PAPPA2: variants seen among roughly 807,000 people sequenced by gnomAD.
PAPPA2 encodes the protein pappalysin-2.
A neutral mutation model predicts 176.4 loss-of-function variants in PAPPA2; 86 were observed. The ratio of observed to expected loss-of-function variants is 0.49; its 90% CI spans 0.41 to 0.58. PAPPA2 has a LOEUF of 0.58. PAPPA2 is among the 20% of genes least tolerant of loss of function. PAPPA2 has a pLI of 0.00. For synonymous variants in PAPPA2, 809 were observed against 852.2 expected (o/e 0.95, Z 0.88); for missense variants, 2,073 against 2,256.9 (o/e 0.92, Z 1.65).
At chr1:176,756,111 A>G (rs1663406508) in intron 14 of PAPPA2, among the ~76,000 whole-genome samples, 1 of 152,138 alleles carries the variant, frequency 6.6e-6, no homozygotes, top group Non-Finnish European at 1.5e-5. Flanking sequence ...GGCATGTGCC[A>G]TCACGCCCAG....
chr1:176,575,565 G>A (rs574324192), intron 2 of PAPPA2, among the ~76,000 whole-genome samples: 72 of 152,260 alleles, frequency 4.7e-4, no homozygotes, highest in African/African-American at 1.6e-3. Flanking sequence ...ATTCACTCAT[G>A]AATTTGTATA....
chr1:176,741,358 C>T (rs564286396), intron 14 of PAPPA2, among the ~76,000 whole-genome samples: 1 of 152,278 alleles, frequency 6.6e-6, no homozygotes, highest in East Asian at 1.9e-4. Context: ...TGGCAGTGAG[C>T]ATGCTCACAT....
At chr1:176,563,981 C>CT (rs949566333) in intron 2 of PAPPA2, among the ~76,000 whole-genome samples, 4 of 152,072 alleles carry the variant, frequency 2.6e-5, no homozygotes, top group South Asian at 2.1e-4. Flanking sequence ...TTCCTTCCCT[C>CT]TTTTTTTTCC....
chr1:176,822,878 G>A (rs1666718724), intron 21 of PAPPA2, among the ~76,000 whole-genome samples: 1 of 152,098 alleles, frequency 6.6e-6, no homozygotes, highest in African/African-American at 2.4e-5. Context: ...CAATTCTACT[G>A]GCAAAGCAAT....
chr1:176,844,815 G>A lies in PAPPA2; in HGVS notation c.*2361G>A, dbSNP rs1447837484. The A allele has an allele frequency of 6.6e-6, 1 of 152,168 alleles. No individual in the cohort carries two copies. The highest frequency in any genetic ancestry group is 2.4e-5 in the African/African-American group (1 of 41,458). The allele number at this position is 152,168 out of a possible 1,614,324, so 9.4% of individuals were successfully genotyped here. On this transcript the variant is annotated 3_prime_UTR_variant, in exon 23 of 23. Coordinates refer to ENST00000367662, the MANE Select transcript of PAPPA2 (RefSeq NM_020318.3). ...TGGGCATTACTCAGCTCAGGAACAT[G>A]GAGCCTGTGGTTCATGCCAGTGTGT... is the stretch of plus-strand genomic sequence containing the variant.
Position 176,526,178 on chromosome 1 carries a change from T to C in PAPPA2, c.-916-29229T>C, listed in dbSNP as rs752176402. On this transcript the variant is annotated intron_variant, in intron 1 of 22. Transcript: ENST00000367662. ...TCTCTGGAGTCCTCCATTTTGTGGA[T>C]AGAGTGTTCCAAGAGTTGACCATCT... 2.0e-5 allele frequency among the ~76,000 whole-genome samples: 3 copies of C among 152,316 alleles called. No homozygotes were observed. The East Asian group carries it at 5.8e-4, about 29-fold the overall frequency.
Position 176,594,710 on chromosome 1 carries a change from C to T in PAPPA2, c.1106C>T (p.Ala369Val). ...YQPGTWTHVA[A>V]TYDGRHMALY... ...CCAGGCACATGGACCCATGTGGCAG[C>T]CACTTACGATGGACGGCACATGGCC... The change falls in exon 3 of 23, where the codon GCC (alanine) becomes GTC (valine). Residue 369 changes from alanine (A) to valine (V), a missense_variant. Transcript: ENST00000367662. 1.2e-6 allele frequency: 2 copies of T among 1,614,238 alleles called. No individual in the cohort carries two copies. The highest frequency in any genetic ancestry group is 1.7e-6 in the Non-Finnish European group (2 of 1,180,050).
At chr1:176,636,221 A>G (rs1656692901) in intron 3 of PAPPA2, among the ~76,000 whole-genome samples, 1 of 152,162 alleles carries the variant, frequency 6.6e-6, no homozygotes, top group African/African-American at 2.4e-5. Context: ...CAATTTGCAG[A>G]GATAATTATA....
chr1:176,623,592 T>TTCCC, intron 3 of PAPPA2, among the ~76,000 whole-genome samples: 1 of 145,276 alleles, frequency 6.9e-6, no homozygotes, highest in Non-Finnish European at 1.5e-5. Context: ...CCTTCCTTCC[T>TTCCC]TCCTTCCTTC....
chr1:176,584,461 T>C (rs1268551582), intron 2 of PAPPA2, among the ~76,000 whole-genome samples: 1 of 152,162 alleles, frequency 6.6e-6, no homozygotes, highest in Non-Finnish European at 1.5e-5. Context: ...TAGCTTCTCC[T>C]GTTCATTTTT....
At chr1:176,505,700 A>T (rs1175042455) in intron 1 of PAPPA2, among the ~76,000 whole-genome samples, 4 of 152,050 alleles carry the variant, frequency 2.6e-5, no homozygotes, top group African/African-American at 9.7e-5. Context: ...GCCTTTTTAC[A>T]GGGACAGAGT....
chr1:176,486,495 A>G (rs570599376), intron 1 of PAPPA2, among the ~76,000 whole-genome samples: 89 of 152,314 alleles, frequency 5.8e-4, no homozygotes, highest in Non-Finnish European at 9.9e-4. Context: ...AGTTCTTGGC[A>G]TCAAGTGTTA....
At chr1:176,682,366 T>C (rs61383140) in intron 4 of PAPPA2, among the ~76,000 whole-genome samples, 9,971 of 152,246 alleles carry the variant, frequency 0.065, 358 homozygotes, top group South Asian at 0.14. Flanking sequence ...AAGTTTTGGA[T>C]TGAAAGAGAC....
At chr1:176,737,398 A>G (rs1375757044) in intron 12 of PAPPA2, among the ~76,000 whole-genome samples, 1 of 152,008 alleles carries the variant, frequency 6.6e-6, no homozygotes, top group African/African-American at 2.4e-5. Context: ...GCTGGTTTCT[A>G]TTTTTGAAGA....
intron 12 of PAPPA2, among the ~76,000 whole-genome samples, chr1:176,738,003 G>T (rs1662497033): frequency 6.6e-6 from 1 of 152,068 alleles, no homozygotes; most frequent in Non-Finnish European, 1.5e-5. Flanking sequence ...AAATGACACA[G>T]AACTTTCTTC....
rs79105755 is a variant in PAPPA2 at position 176,479,986 on chromosome 1, G to A, written c.-917+16568G>A. 1.0e-3 allele frequency among the ~76,000 whole-genome samples: 154 copies of A among 152,320 alleles called. 2 individuals are homozygous for A. In the East Asian group the frequency reaches 0.027, roughly 27 times the overall value. On this transcript the variant is annotated intron_variant, in intron 1 of 22. Transcript: ENST00000367662. The stretch of plus-strand genomic sequence containing the variant: ...AAGAGAAATACACAGGGAAGTGTCC[G>A]AGGATAAGAGCCCCTTTCCCCCTCC...
chr1:176,696,807 GA>G (rs1397967251), intron 7 of PAPPA2, among the ~76,000 whole-genome samples: 6 of 151,816 alleles, frequency 4.0e-5, no homozygotes, highest in South Asian at 2.1e-4. Flanking sequence ...ATTGTGACAC[GA>G]AAAAAAAGGA....
At chr1:176,477,170 A>G (rs2102473077) in intron 1 of PAPPA2, among the ~76,000 whole-genome samples, 1 of 152,162 alleles carries the variant, frequency 6.6e-6, no homozygotes, top group East Asian at 1.9e-4. Flanking sequence ...ATTAAAATCT[A>G]CCACCCCACT....
Position 176,487,206 on chromosome 1 carries a change from A to G in PAPPA2, c.-917+23788A>G, listed in dbSNP as rs1024831352. 3.9e-5 allele frequency among the ~76,000 whole-genome samples: 6 copies of G among 152,234 alleles called. No individual in the cohort carries two copies. The South Asian group carries it at 6.2e-4, about 16-fold the overall frequency. The stretch of plus-strand genomic sequence containing the variant: ...TCTAAAAAGGTGGCCCTCTGTGTCA[A>G]TAGTGGCTGGGTTGCTGGTCAAGGC... On this transcript the variant is annotated intron_variant, in intron 1 of 22. Coordinates refer to ENST00000367662, the MANE Select transcript of PAPPA2 (RefSeq NM_020318.3).
Sources: allele counts gnomAD v4.1 joint callset (sites outside exome capture counted in the v4.1 genomes callset), GRCh38; gene constraint gnomAD v4.1.1; transcripts MANE v1.5; gene names NCBI Gene and HGNC (gene_info 2026-07-23, HGNC 2026-07-21).